GRIP1: variants seen among roughly 807,000 people sequenced by gnomAD.
GRIP1 encodes the protein glutamate receptor interacting protein 1.
In GRIP1, 45 loss-of-function variants were observed where a neutral mutation model predicts 129.9. That is an observed-to-expected ratio of 0.35 (90% confidence interval 0.27 to 0.44). GRIP1 has a LOEUF of 0.44. Ranked by LOEUF, GRIP1 falls within the 20% of genes least tolerant of loss-of-function variation. The pLI, the probability that GRIP1 is intolerant of heterozygous loss-of-function variation, is 1.00. For missense variants in GRIP1, 1,196 were observed against 1,396.8 expected, an observed-to-expected ratio of 0.86 and a Z score of 2.29; for synonymous variants, 530 against 520.8, an observed-to-expected ratio of 1.02 and a Z score of -0.24.
intron 7 of GRIP1, among the ~76,000 whole-genome samples, chr12:66,495,946 G>A (rs986585759): frequency 8.5e-5 from 13 of 152,178 alleles, no homozygotes; most frequent in African/African-American, 2.9e-4. Flanking sequence ...GTGATGAACC[G>A]AAGCGCGCCA....
intron 5 of GRIP1, among the ~76,000 whole-genome samples, chr12:66,525,468 C>A (rs2061195764): frequency 6.6e-6 from 1 of 151,998 alleles, no homozygotes; most frequent in African/African-American, 2.4e-5. Flanking sequence ...AGGCCTTTGA[C>A]AAAATTCAAC....
chr12:66,423,142 G>C (rs2057867454), intron 14 of GRIP1, among the ~76,000 whole-genome samples: 1 of 152,170 alleles, frequency 6.6e-6, no homozygotes, highest in Non-Finnish European at 1.5e-5. Flanking sequence ...TGAGAGACAG[G>C]ACTTGGCAGC....
At chr12:66,452,266 G>T (rs757883346) in intron 11 of GRIP1, among the ~76,000 whole-genome samples, 18 of 152,216 alleles carry the variant, frequency 1.2e-4, no homozygotes, top group Non-Finnish European at 2.6e-4. Flanking sequence ...AGCACAGGCA[G>T]CCAGGGAAAG....
intron 1 of GRIP1, among the ~76,000 whole-genome samples, chr12:67,032,446 T>C (rs1181818829): frequency 6.6e-6 from 1 of 152,218 alleles, no homozygotes; most frequent in Non-Finnish European, 1.5e-5. Flanking sequence ...TAAATACTTA[T>C]TCATTCTAAT....
chr12:66,906,069 G>A lies in GRIP1; in HGVS notation c.58+162981C>T, dbSNP rs148115459. Among the ~76,000 whole-genome samples the A allele has an allele frequency of 6.8e-3, 1,028 of 152,156 alleles. 49 individuals carry two copies. Among genetic ancestry groups the A allele is most frequent in the Admixed American group, 0.056 (849 of 15,272 alleles). Reference sequence around the variant, plus strand: ...AAATCTGACTGGACTATCTAGGCACGCAAATATTAATAAAAATTTTAATTT... The same window carrying A: ...AAATCTGACTGGACTATCTAGGCACACAAATATTAATAAAAATTTTAATTT... On this transcript the variant is annotated intron_variant, in intron 1 of 1. Transcript: ENST00000643019.
intron 2 of GRIP1, among the ~76,000 whole-genome samples, chr12:66,551,541 G>GTATTT (rs1592534672): frequency 7.2e-6 from 1 of 139,712 alleles, no homozygotes; most frequent in East Asian, 2.1e-4. Context: ...ATTTTTGCAT[G>GTATTT]TATTTTTGGG....
intron 14 of GRIP1, 34 bp from the exon 15 acceptor site, chr12:66,420,823 A>G (rs1277743795): frequency 8.8e-7 from 1 of 1,136,302 alleles, no homozygotes; most frequent in Admixed American, 1.7e-5. Flanking sequence ...TCACATCTTT[A>G]TATCCATTAT....
chr12:66,488,675 G>T (rs189665262), intron 7 of GRIP1, among the ~76,000 whole-genome samples: 1 of 151,064 alleles, frequency 6.6e-6, no homozygotes, highest in Non-Finnish European at 1.5e-5. Context: ...AAAAATCAAC[G>T]AATCTAGGAG....
chr12:66,747,883 A>G (rs1164403065), intron 1 of GRIP1, among the ~76,000 whole-genome samples: 2 of 152,252 alleles, frequency 1.3e-5, no homozygotes, highest in Non-Finnish European at 2.9e-5. Context: ...ACAATCAACT[A>G]TAATTCACGT....
In GRIP1 at chr12:66,653,597, C is replaced by T. The variant is rs559337424; in HGVS notation, c.55+25253G>A. Among the ~76,000 whole-genome samples, 4 of 152,248 alleles carry T rather than the reference C, an allele frequency of 2.6e-5. No individual in the cohort carries two copies. The South Asian group carries it at 8.3e-4, about 32-fold the overall frequency. On this transcript the variant is annotated intron_variant, in intron 1 of 24. Coordinates refer to ENST00000359742, the MANE Select transcript of GRIP1 (RefSeq NM_001366722.1). ...CATTTATGTCACTGTGGGAGGATAT[C>T]GAACCCAAGAAACTGTTGACGCACA...
chr12:66,975,864 C>T (rs897251479), intron 1 of GRIP1, among the ~76,000 whole-genome samples: 3 of 152,168 alleles, frequency 2.0e-5, no homozygotes, highest in Non-Finnish European at 2.9e-5. Flanking sequence ...AGTCAGAGCA[C>T]AGCTGTTAAG....
intron 2 of GRIP1, among the ~76,000 whole-genome samples, chr12:66,577,348 TG>T (rs2063174985): frequency 6.6e-6 from 1 of 152,188 alleles, no homozygotes; most frequent in African/African-American, 2.4e-5. Context: ...AAGTTTCCTG[TG>T]TCTAAAAATA....
At chr12:66,438,422 G>A (rs1251974610) in intron 13 of GRIP1, among the ~76,000 whole-genome samples, 2 of 151,816 alleles carry the variant, frequency 1.3e-5, no homozygotes, top group African/African-American at 4.8e-5. Context: ...GGCTCCTGAT[G>A]CAGTCTGAAG....
intron 2 of GRIP1, among the ~76,000 whole-genome samples, chr12:66,595,503 T>C (rs1306303898): frequency 6.6e-6 from 1 of 152,226 alleles, no homozygotes; most frequent in African/African-American, 2.4e-5. Context: ...TACCAGTGAA[T>C]GTAGGGTAGC....
At chr12:66,967,818 T>G (rs74098161) in intron 1 of GRIP1, among the ~76,000 whole-genome samples, 33 of 152,336 alleles carry the variant, frequency 2.2e-4, no homozygotes, top group African/African-American at 7.7e-4. Flanking sequence ...TTGTATAATT[T>G]CTATTCTTTA....
chr12:66,732,085 T>C (rs191422636), intron 1 of GRIP1, among the ~76,000 whole-genome samples: 2 of 152,340 alleles, frequency 1.3e-5, no homozygotes, highest in Admixed American at 6.5e-5. Flanking sequence ...GTTTGAACTG[T>C]GTGGGTCCAC....
chr12:66,523,047 G>T (rs4913535), intron 5 of GRIP1, among the ~76,000 whole-genome samples: 1 of 151,712 alleles, frequency 6.6e-6, no homozygotes, highest in Admixed American at 6.6e-5. Flanking sequence ...CCAAATCTAC[G>T]TCTGACTGGT....
intron 1 of GRIP1, among the ~76,000 whole-genome samples, chr12:66,891,204 G>A (rs1158704715): frequency 6.6e-6 from 1 of 152,084 alleles, no homozygotes; most frequent in Non-Finnish European, 1.5e-5. Context: ...ACTAGCAAAA[G>A]TCCCAACCAT....
At chr12:66,382,789 G>T (rs2056173842) in intron 19 of GRIP1, among the ~76,000 whole-genome samples, 3 of 152,140 alleles carry the variant, frequency 2.0e-5, no homozygotes, top group Admixed American at 2.0e-4. Context: ...TGCATTGTTT[G>T]GTATATGTAT....
Sources: allele counts gnomAD v4.1 joint callset (sites outside exome capture counted in the v4.1 genomes callset), GRCh38; gene constraint gnomAD v4.1.1; transcripts MANE v1.5; gene names NCBI Gene and HGNC (gene_info 2026-07-23, HGNC 2026-07-21).